Variants in NPHP4 observed in about 807,000 individuals in gnomAD.
The protein encoded by NPHP4 is nephrocystin 4.
NPHP4 carries 151 observed loss-of-function variants against 155.8 expected under a neutral mutation model. The ratio of observed to expected loss-of-function variants is 0.97; its 90% CI spans 0.85 to 1.11. NPHP4 has a LOEUF of 1.11. NPHP4 is among the 50% of genes least tolerant of loss of function. The pLI is 0.00. For synonymous variants in NPHP4, 845 were observed against 816.8 expected, an observed-to-expected ratio of 1.03 and a Z score of -0.59; for missense variants, 1,956 against 1,925.7, an observed-to-expected ratio of 1.02 and a Z score of -0.29.
chr1:5,906,006 T>C (rs1352646174), intron 13 of NPHP4, among the ~76,000 whole-genome samples: 1 of 152,260 alleles, frequency 6.6e-6, no homozygotes, highest in Non-Finnish European at 1.5e-5. Flanking sequence ...CACTAAAAAA[T>C]TATTTGTTGT....
intron 9 of NPHP4, among the ~76,000 whole-genome samples, chr1:5,936,004 AAAAC>A (rs1383481898): frequency 1.1e-4 from 16 of 152,238 alleles, no homozygotes; most frequent in African/African-American, 3.9e-4. Flanking sequence ...TACAGGATCA[AAAAC>A]AAAATAAAGT....
intron 19 of NPHP4, among the ~76,000 whole-genome samples, chr1:5,878,035 C>T (rs570122717): frequency 1.1e-3 from 171 of 152,364 alleles, no homozygotes; most frequent in African/African-American, 3.9e-3. Flanking sequence ...AAGGCTGACA[C>T]ATGAGGCTCC....
At chr1:5,911,395 A>G (rs6694744) in intron 11 of NPHP4, among the ~76,000 whole-genome samples, 139,850 of 152,330 alleles carry the variant, frequency 0.92, 64,362 homozygotes, top group African/African-American at 0.98. Flanking sequence ...ACAAATTGCC[A>G]GAAATGGCTC....
chr1:5,958,725 G>A lies in NPHP4; in HGVS notation c.673+3069C>T, dbSNP rs531672440. Reference sequence around the variant, plus strand: ...AAAAAAAAAATTAGCCAGGCATGGTGGCACATGCCTATAGTCCTTACTACT... The same window carrying A: ...AAAAAAAAAATTAGCCAGGCATGGTAGCACATGCCTATAGTCCTTACTACT... On this transcript the variant is annotated intron_variant, in intron 6 of 29. Coordinates refer to ENST00000378156, the MANE Select transcript of NPHP4 (RefSeq NM_015102.5). Among the ~76,000 whole-genome samples, 10 of 151,394 alleles carry A rather than the reference G, an allele frequency of 6.6e-5. No homozygotes were observed. In the South Asian group the frequency reaches 2.1e-3, roughly 32 times the overall value.
intron 11 of NPHP4, among the ~76,000 whole-genome samples, chr1:5,912,340 C>T (rs1004995406): frequency 6.6e-6 from 1 of 152,068 alleles, no homozygotes. Flanking sequence ...AGATCGAGAC[C>T]ATCCTGGCTA....
chr1:5,945,466 G>T (rs552934881), intron 9 of NPHP4, among the ~76,000 whole-genome samples: 1 of 152,190 alleles, frequency 6.6e-6, no homozygotes, highest in East Asian at 1.9e-4. Flanking sequence ...TCCACAGAAC[G>T]CTTGGCACTT....
In NPHP4 at chr1:5,863,891, T is replaced by C; in HGVS notation, c.4139A>G (p.Gln1380Arg). Residue 1380 changes from glutamine (Q) to arginine (R), a missense_variant and splice_region_variant, in exon 29 of 30, where the codon CAG becomes CGG. Physicochemically the swap from Gln to Arg is conservative, Grantham distance 43. Transcript: ENST00000378156. ...GTCCCAGGCACAGCCCCACCACACC[T>C]GGAAGGAGTCCTCTCTGAACCGCAG... ...ELLRFREDSF[Q>R]VGGGETYTIG... The C allele has an allele frequency of 6.2e-7, 1 of 1,613,760 alleles. No homozygotes were observed. Among genetic ancestry groups the C allele is most frequent in the East Asian group, 2.2e-5 (1 of 44,862 alleles).
At chr1:5,935,053 TA>T (rs1262154069) in intron 9 of NPHP4, among the ~76,000 whole-genome samples, 1 of 152,206 alleles carries the variant, frequency 6.6e-6, no homozygotes, top group African/African-American at 2.4e-5. Flanking sequence ...CCATGGTCTC[TA>T]CTGGGCTAAA....
At chr1:5,964,073 G>T (rs1210048034) in intron 5 of NPHP4, among the ~76,000 whole-genome samples, 2 of 152,278 alleles carry the variant, frequency 1.3e-5, no homozygotes, top group South Asian at 4.1e-4. Flanking sequence ...AAACACCACA[G>T]AGCTGTAAAA....
chr1:5,980,660 G>A (rs1654528441), intron 2 of NPHP4, among the ~76,000 whole-genome samples: 1 of 152,124 alleles, frequency 6.6e-6, no homozygotes, highest in South Asian at 2.1e-4. Context: ...CTTTGCAGGA[G>A]TGGCTGCGTG....
chr1:5,874,828 G>T, intron 21 of NPHP4, 46 bp downstream of exon 21: 1 of 1,586,392 alleles, frequency 6.3e-7, no homozygotes, highest in South Asian at 1.1e-5. Context: ...GGCTGCACCC[G>T]ACACAGATCT....
intron 18 of NPHP4, chr1:5,880,532 A>C: frequency 2.6e-6 from 1 of 379,264 alleles, no homozygotes; most frequent in Non-Finnish European, 5.0e-6. Context: ...ATGGATTCTT[A>C]CTTCTGGATC....
intron 9 of NPHP4, among the ~76,000 whole-genome samples, chr1:5,938,688 G>A (rs552090095): frequency 1.3e-5 from 2 of 152,330 alleles, no homozygotes; most frequent in African/African-American, 4.8e-5. Flanking sequence ...GCAGCTGGCT[G>A]CCAGCACTCA....
chr1:5,912,935 C>T (rs1388148260), intron 11 of NPHP4, among the ~76,000 whole-genome samples: 2 of 152,092 alleles, frequency 1.3e-5, no homozygotes, highest in African/African-American at 2.4e-5. Context: ...AATAACCTGG[C>T]GTTAAGAAGA....
chr1:5,952,153 C>A (rs1648210457), intron 7 of NPHP4, among the ~76,000 whole-genome samples: 2 of 152,168 alleles, frequency 1.3e-5, no homozygotes, highest in African/African-American at 4.8e-5. Flanking sequence ...GTGACACGGG[C>A]AGGCCGAGGG....
Position 5,907,101 on chromosome 1 carries a change from TG to T in NPHP4, c.1611+13del. The stretch of plus-strand genomic sequence containing the variant: ...CCTTGGTGGAAGGCAAGGCGGCAGG[TG>T]GGCGGCACTTACTGCCTGGGCCGGG... On this transcript the variant is annotated intron_variant, in intron 13 of 29. Coordinates refer to ENST00000378156, the MANE Select transcript of NPHP4 (RefSeq NM_015102.5). 1 of 1,440,622 alleles carries T rather than the reference TG, an allele frequency of 6.9e-7. No individual in the cohort carries two copies. The highest frequency in any genetic ancestry group is 1.4e-5 in the South Asian group (1 of 70,690). The allele number at this position is 1,440,622 out of a possible 1,614,324, so 89.2% of individuals were successfully genotyped here.
intron 11 of NPHP4, among the ~76,000 whole-genome samples, chr1:5,916,453 C>T (rs1380579383): frequency 6.6e-6 from 1 of 152,144 alleles, no homozygotes; most frequent in Non-Finnish European, 1.5e-5. Context: ...GGAACCTGGG[C>T]TGAAGGTAAT....
At chr1:5,863,825 C>A (rs1410352155) in intron 29 of NPHP4, 65 bp downstream of exon 29, 1 of 1,551,360 alleles carries the variant, frequency 6.4e-7, no homozygotes, top group African/African-American at 1.4e-5. Flanking sequence ...TAAATGCAGG[C>A]TAACTGCCCT....
intron 9 of NPHP4, among the ~76,000 whole-genome samples, chr1:5,945,964 C>T (rs1323905930): frequency 6.6e-6 from 1 of 152,306 alleles, no homozygotes; most frequent in East Asian, 1.9e-4. Context: ...ACACCACCCA[C>T]CCATTGCAGT....
Sources: allele counts gnomAD v4.1 joint callset (sites outside exome capture counted in the v4.1 genomes callset), GRCh38; gene constraint gnomAD v4.1.1; transcripts MANE v1.5; gene names NCBI Gene and HGNC (gene_info 2026-07-23, HGNC 2026-07-21).